LUZP1: variants seen among roughly 807,000 people sequenced by gnomAD.
LUZP1 encodes the protein filamin mechanobinding actin cross-linking protein.
A neutral mutation model predicts 71.3 loss-of-function variants in LUZP1; 25 were observed. That is an observed-to-expected ratio of 0.35 (90% confidence interval 0.26 to 0.49). LUZP1 has a LOEUF of 0.49. LUZP1 is among the 20% of genes least tolerant of loss of function. The pLI is 0.99. For missense variants in LUZP1, 1,142 were observed against 1,300.8 expected, an observed-to-expected ratio of 0.88 and a Z score of 1.88; for synonymous variants, 481 against 506.4, an observed-to-expected ratio of 0.95 and a Z score of 0.67.
rs538378391 is a variant in LUZP1, at chr1:23,094,943, A to G, written c.-119-563T>C. ...GTGAGCTTCACAATATACTAAAACAATCTCTCTACACCCATTTTCAACATC... is the reference window on the plus strand; with the variant it reads ...GTGAGCTTCACAATATACTAAAACAGTCTCTCTACACCCATTTTCAACATC... On this transcript the variant is annotated intron_variant, in intron 3 of 4. Transcript: ENST00000302291. The surrounding 1 kb of genome is among the most constrained non-coding windows in gnomAD (Gnocchi z 4.7). Among the ~76,000 whole-genome samples, 1 of 152,224 alleles carries G rather than the reference A, an allele frequency of 6.6e-6. No individual in the cohort carries two copies. The highest frequency in any genetic ancestry group is 2.1e-4 in the South Asian group (1 of 4,818).
At chr1:23,174,246 C>T (rs1452164322) in intron 1 of LUZP1, among the ~76,000 whole-genome samples, 1 of 152,132 alleles carries the variant, frequency 6.6e-6, no homozygotes, top group Admixed American at 6.6e-5. Flanking sequence ...TGTCCAAGGG[C>T]AGGAGAAGAT....
intron 3 of LUZP1, among the ~76,000 whole-genome samples, chr1:23,106,014 T>C (rs2124630852): frequency 6.6e-6 from 1 of 152,342 alleles, no homozygotes; most frequent in Middle Eastern, 3.4e-3. Flanking sequence ...CAAACTGCTA[T>C]ATGGTAATTA....
intron 2 of LUZP1, among the ~76,000 whole-genome samples, chr1:23,121,580 C>T (rs1017676900): frequency 6.6e-6 from 1 of 152,042 alleles, no homozygotes; most frequent in African/African-American, 2.4e-5. Context: ...ATTAGTCAGG[C>T]GTAGTGGCAC....
exon 5 of LUZP1, chr1:23,085,210 T>G (rs1643745369): frequency 6.6e-6 from 1 of 152,530 alleles, no homozygotes; most frequent in African/African-American, 2.4e-5. Context: ...CCTGAGCAAG[T>G]AGGTGTGGAC....
chr1:23,159,628 GTAAA>G (rs1007506186), intron 2 of LUZP1, among the ~76,000 whole-genome samples: 1 of 152,218 alleles, frequency 6.6e-6, no homozygotes, highest in Non-Finnish European at 1.5e-5. Flanking sequence ...GAGTGAATGA[GTAAA>G]TAAACTAATG....
exon 5 of LUZP1, chr1:23,086,670 T>A (rs1284660444): frequency 6.6e-6 from 1 of 152,618 alleles, no homozygotes; most frequent in East Asian, 1.9e-4. Context: ...TTCTTTGAAC[T>A]CTCAAGGTTG....
intron 1 of LUZP1, among the ~76,000 whole-genome samples, chr1:23,171,706 G>A (rs1199480191): frequency 6.6e-6 from 1 of 152,196 alleles, no homozygotes; most frequent in Admixed American, 6.5e-5. Context: ...CTTATTTTTA[G>A]AAAAAATATT....
Position 23,111,329 on chromosome 1 carries a change from T to C in LUZP1, c.-225-2202A>G, listed in dbSNP as rs542924798. Among the ~76,000 whole-genome samples, 8 of 151,800 alleles carry C rather than the reference T, an allele frequency of 5.3e-5. No homozygotes were observed. In the South Asian group the frequency reaches 8.3e-4, roughly 16 times the overall value. On this transcript the variant is annotated intron_variant, in intron 2 of 4. Transcript: ENST00000302291. Reference sequence around the variant, plus strand: ...ACTTTGGGAGGCCAAGGCAGGAGGATTGCTTGAACCCAGGAGTTCAAGAAC... The same window carrying C: ...ACTTTGGGAGGCCAAGGCAGGAGGACTGCTTGAACCCAGGAGTTCAAGAAC...
chr1:23,092,757 C>G lies in LUZP1; in HGVS notation c.1505G>C (p.Gly502Ala), dbSNP rs756603024. ...CGTTCGTGTTGTCTTCTCCACTTTT[C>G]CCTTCAGTCCGCTCTCGGTGCCTGG... The change falls in exon 4 of 5, where the codon GGA (glycine) becomes GCA (alanine). Residue 502 changes from glycine (G) to alanine (A), a missense_variant. Transcript: ENST00000302291. The G allele has an allele frequency of 1.7e-5, 27 of 1,613,940 alleles. 1 individual carries two copies. In the Admixed American group the frequency reaches 1.8e-4, roughly 11 times the overall value.
rs553150678 is a variant in LUZP1, at chr1:23,093,664, A to G, written c.598T>C (p.Leu200=). The change falls in exon 4 of 5, where the codon TTG becomes CTG. Residue 200 remains leucine, a synonymous_variant. Coordinates refer to ENST00000302291, the Ensembl canonical transcript of LUZP1. This position sits in a 1 kb window ranked among gnomAD's most constrained non-coding sequence, Gnocchi z 4.2. ...TCATTTTCTTTCTCCTTTTCATTCA[A>G]GTATTTTCTCTCACTTACAAAGCTC... 2.2e-5 allele frequency: 36 copies of G among 1,611,574 alleles called. No individual in the cohort carries two copies. In the Admixed American group the frequency reaches 5.2e-4, roughly 23 times the overall value.
intron 2 of LUZP1, among the ~76,000 whole-genome samples, chr1:23,139,209 C>G (rs542787939): frequency 4.0e-5 from 6 of 150,622 alleles, no homozygotes; most frequent in African/African-American, 1.5e-4. Context: ...AATGCCAACA[C>G]AAGGTGAAAG....
chr1:23,148,826 T>C (rs1644361671), intron 2 of LUZP1, among the ~76,000 whole-genome samples: 3 of 151,822 alleles, frequency 2.0e-5, no homozygotes, highest in Admixed American at 2.0e-4. Flanking sequence ...AAGTCTGGCC[T>C]ATAATCCCAA....
At chr1:23,150,714 G>C (rs933873429) in intron 2 of LUZP1, among the ~76,000 whole-genome samples, 1 of 152,102 alleles carries the variant, frequency 6.6e-6, no homozygotes, top group Non-Finnish European at 1.5e-5. Flanking sequence ...AGGATGAGGG[G>C]AATGAAGACA....
At position 23,089,063 on chromosome 1, in the gene LUZP1, TA is replaced by T. The variant is rs754874336; in HGVS notation, c.3073-11del. 1 of 1,612,880 alleles carries T rather than the reference TA, an allele frequency of 6.2e-7. No homozygotes were observed. The highest frequency in any genetic ancestry group is 8.5e-7 in the Non-Finnish European group (1 of 1,179,288). ...CTTCCCCTTCTTCCTCCTGTGCCAA[TA>T]AATAACAAAAGTGAGCTGTGGAGGT... On this transcript the variant is annotated splice_polypyrimidine_tract_variant and intron_variant, in intron 4 of 4. Transcript: ENST00000302291.
chr1:23,103,815 G>GGAGGGAGGGAGGAAGAGAGGGAGA, intron 3 of LUZP1, among the ~76,000 whole-genome samples: 1 of 135,924 alleles, frequency 7.4e-6, no homozygotes, highest in Non-Finnish European at 1.6e-5. Context: ...TTATTGGGAA[G>GGAGGGAGGGAGGAAGAGAGGGAGA]GAGGGAGGGA....
chr1:23,122,840 A>G (rs1457990326), intron 2 of LUZP1, among the ~76,000 whole-genome samples: 1 of 152,194 alleles, frequency 6.6e-6, no homozygotes, highest in Non-Finnish European at 1.5e-5. Context: ...AACACAGTAA[A>G]AGACCTAAAC....
At chr1:23,145,904 T>C (rs567972767) in intron 2 of LUZP1, among the ~76,000 whole-genome samples, 3 of 152,310 alleles carry the variant, frequency 2.0e-5, no homozygotes, top group Admixed American at 6.5e-5. Flanking sequence ...GAGTATATAT[T>C]ACTCAAATAT....
At chr1:23,161,969 T>C (rs1569702121) in intron 2 of LUZP1, among the ~76,000 whole-genome samples, 2 of 131,934 alleles carry the variant, frequency 1.5e-5, no homozygotes. Flanking sequence ...GAGGTTGCAG[T>C]GAGCTGAGAT....
chr1:23,165,279 G>A (rs1309728197), intron 2 of LUZP1, among the ~76,000 whole-genome samples: 4 of 151,328 alleles, frequency 2.6e-5, no homozygotes, highest in Non-Finnish European at 5.9e-5. Flanking sequence ...TTATACAACT[G>A]TATACATGTG....
Sources: gnomAD v4.1 joint callset for allele counts (sites outside exome capture counted in the v4.1 genomes callset) on GRCh38, gnomAD v4.1.1 for gene constraint, Gnocchi (gnomAD v3.1) non-coding constraint, MANE v1.5 for transcripts, NCBI Gene and HGNC (gene_info 2026-07-23, HGNC 2026-07-21) for gene names.